The following ST18 variants were observed in gnomAD, a reference collection of about 807,000 sequenced individuals.
ST18 encodes the protein suppression of tumorigenicity 18 protein.
In ST18, 50 loss-of-function variants were observed where a neutral mutation model predicts 110.0. The ratio of observed to expected loss-of-function variants is 0.45; its 90% CI spans 0.36 to 0.58. The LOEUF (loss-of-function observed/expected upper bound fraction) is 0.58, where lower values mean the gene tolerates loss of function less well. ST18 is among the 20% of genes least tolerant of loss of function. The pLI, the probability that ST18 is intolerant of heterozygous loss-of-function variation, is 0.00. For missense variants in ST18, 1,306 were observed against 1,280.1 expected, an observed-to-expected ratio of 1.02 and a Z score of -0.31; for synonymous variants, 461 against 452.4, an observed-to-expected ratio of 1.02 and a Z score of -0.24.
chr8:52,354,098 C>T (rs931129934), intron 2 of ST18, among the ~76,000 whole-genome samples: 1 of 152,258 alleles, frequency 6.6e-6, no homozygotes, highest in Non-Finnish European at 1.5e-5. Flanking sequence ...CTGTCATATA[C>T]TTGGTTGTCC....
chr8:52,130,126 A>AGAAAGAAAGAAAGAAAGAAAGAAG, intron 22 of ST18, among the ~76,000 whole-genome samples: 1 of 135,948 alleles, frequency 7.4e-6, no homozygotes, highest in Admixed American at 7.1e-5. Context: ...AAGAAAAGAA[A>AGAAAGAAAGAAAGAAAGAAAGAAG]GAAAGAAAGA....
At chr8:52,250,874 G>A (rs1268296145) in intron 2 of ST18, among the ~76,000 whole-genome samples, 5 of 152,028 alleles carry the variant, frequency 3.3e-5, no homozygotes, top group Non-Finnish European at 2.9e-5. Flanking sequence ...AAGCTAAAGA[G>A]GAGGAAGAAA....
At position 52,113,068 on chromosome 8, in the gene ST18, A is replaced by G. The variant is rs1455660667; in HGVS notation, c.*130T>C. ...TTTTATATCAGCTGGGGAAAATAAA[A>G]TTAGTGCAATGTTGCAAATTGTAAA... is the stretch of plus-strand genomic sequence containing the variant. On this transcript the variant is annotated 3_prime_UTR_variant, in exon 26 of 26. Transcript: ENST00000689386. 37 of 1,039,888 alleles carry G rather than the reference A, an allele frequency of 3.6e-5. No homozygotes were observed. Among genetic ancestry groups the G allele is most frequent in the Non-Finnish European group, 4.7e-5 (36 of 773,512 alleles). 64.4% of individuals were successfully genotyped at this position (1,039,888 alleles called of 1,614,324 possible).
rs538807099 is a variant in ST18 at position 52,160,095 on chromosome 8, C to T, written c.1595-986G>A. On this transcript the variant is annotated intron_variant, in intron 14 of 25. Coordinates refer to ENST00000689386, the MANE Select transcript of ST18 (RefSeq NM_001352837.2). ...TTTTGCACTTTTAAAAATCAATGTC[C>T]GTACTATATGAGTACATTGAATGCT... 8.0e-4 allele frequency among the ~76,000 whole-genome samples: 121 copies of T among 152,038 alleles called. 1 individual carries two copies. Among genetic ancestry groups the T allele is most frequent in the Non-Finnish European group, 1.4e-3 (96 of 67,978 alleles).
At chr8:52,211,911 C>T (rs1489839293) in intron 8 of ST18, among the ~76,000 whole-genome samples, 168 bp downstream of exon 8, 3 of 152,126 alleles carry the variant, frequency 2.0e-5, no homozygotes, top group Non-Finnish European at 4.4e-5. Context: ...AGTATCAGTA[C>T]AATCATTCTC....
At chr8:52,379,528 A>G (rs531505515) in intron 2 of ST18, among the ~76,000 whole-genome samples, 4 of 152,280 alleles carry the variant, frequency 2.6e-5, no homozygotes, top group Admixed American at 2.6e-4. Flanking sequence ...TTTTTTCAAC[A>G]TATATATTAC....
chr8:52,117,133 G>T (rs1182505595), intron 24 of ST18, among the ~76,000 whole-genome samples: 1 of 152,148 alleles, frequency 6.6e-6, no homozygotes, highest in African/African-American at 2.4e-5. Flanking sequence ...TTGTCTCTGA[G>T]ACTGTTCTCC....
intron 2 of ST18, among the ~76,000 whole-genome samples, chr8:52,267,336 G>T (rs2094905386): frequency 6.6e-6 from 1 of 151,936 alleles, no homozygotes; most frequent in African/African-American, 2.4e-5. Flanking sequence ...GAGTACGCAG[G>T]AACCAGCAAC....
At chr8:52,395,682 T>G (rs1416691126) in intron 2 of ST18, among the ~76,000 whole-genome samples, 2 of 152,140 alleles carry the variant, frequency 1.3e-5, no homozygotes. Context: ...CAGAAAACGT[T>G]GAGGGTACTG....
In ST18 at chr8:52,126,076, T is replaced by C; in HGVS notation, c.2731A>G (p.Thr911Ala). 6.2e-7 allele frequency: 1 copy of C among 1,614,128 alleles called. No individual in the cohort carries two copies. Among genetic ancestry groups the C allele is most frequent in the South Asian group, 1.1e-5 (1 of 91,076 alleles). Residue 911 changes from threonine (T) to alanine (A), a missense_variant, in exon 23 of 26, where the codon ACC becomes GCC. By Grantham distance (58) the Thr-to-Ala change is moderately conservative (BLOSUM62 0). Transcript: ENST00000689386. ...KKGKVSEELM[T>A]IKLKATGGIE... Reference sequence around the variant, plus strand: ...CCCCCAGTTGCTTTGAGCTTGATGGTCATGAGTTCTTCAGAAACCTTGCCC... The same window carrying C: ...CCCCCAGTTGCTTTGAGCTTGATGGCCATGAGTTCTTCAGAAACCTTGCCC...
At position 52,113,004 on chromosome 8, in the gene ST18, G is replaced by T; in HGVS notation, c.*194C>A. ...ATAAGATCTAATAATTGACTGCATT[G>T]CTTTTAATCCAAGAAGTCTATCATA... is the stretch of plus-strand genomic sequence containing the variant. On this transcript the variant is annotated 3_prime_UTR_variant, in exon 26 of 26. Transcript: ENST00000689386. The T allele has an allele frequency of 4.3e-6, 2 of 466,048 alleles. No homozygotes were observed. The highest frequency in any genetic ancestry group is 7.1e-6 in the Non-Finnish European group (2 of 280,690). 28.9% of individuals were successfully genotyped at this position (466,048 alleles called of 1,614,324 possible).
At chr8:52,366,329 C>T (rs1169495211) in intron 2 of ST18, among the ~76,000 whole-genome samples, 1 of 152,144 alleles carries the variant, frequency 6.6e-6, no homozygotes, top group Non-Finnish European at 1.5e-5. Flanking sequence ...CGAGCAGAGG[C>T]AGCTTTCTAA....
At chr8:52,175,147 G>C (rs1213346962) in intron 9 of ST18, among the ~76,000 whole-genome samples, 1 of 152,122 alleles carries the variant, frequency 6.6e-6, no homozygotes, top group African/African-American at 2.4e-5. Context: ...TAGGCACATT[G>C]AGGACAATAG....
intron 14 of ST18, among the ~76,000 whole-genome samples, chr8:52,161,008 T>A (rs113120689): frequency 6.6e-6 from 1 of 152,212 alleles, no homozygotes; most frequent in Non-Finnish European, 1.5e-5. Context: ...ATAATTTCAA[T>A]ACAAATAAAT....
At chr8:52,169,296 T>C (rs1215704892) in intron 10 of ST18, among the ~76,000 whole-genome samples, 1 of 152,192 alleles carries the variant, frequency 6.6e-6, no homozygotes, top group African/African-American at 2.4e-5. Context: ...GGTGACCTTA[T>C]ACTCTGGTGA....
intron 2 of ST18, among the ~76,000 whole-genome samples, chr8:52,268,978 C>T (rs1340034458): frequency 6.6e-6 from 1 of 152,226 alleles, no homozygotes; most frequent in African/African-American, 2.4e-5. Flanking sequence ...ATCTTCACAG[C>T]ACACACAGCA....
intron 2 of ST18, among the ~76,000 whole-genome samples, chr8:52,358,378 T>C (rs1184415278): frequency 6.6e-6 from 1 of 151,484 alleles, no homozygotes. Flanking sequence ...AAATAGGGAG[T>C]AGAAGAACCA....
At chr8:52,367,979 G>A (rs1488403942) in intron 2 of ST18, among the ~76,000 whole-genome samples, 1 of 152,136 alleles carries the variant, frequency 6.6e-6, no homozygotes, top group Non-Finnish European at 1.5e-5. Context: ...TATTTCTGCA[G>A]GATTATAACA....
intron 2 of ST18, among the ~76,000 whole-genome samples, chr8:52,382,443 A>T (rs919003059): frequency 4.6e-5 from 7 of 152,264 alleles, no homozygotes; most frequent in Admixed American, 1.3e-4. Flanking sequence ...ATGTTCAGAC[A>T]TGAAGCATGA....
Sources: gnomAD v4.1 joint callset for allele counts (sites outside exome capture counted in the v4.1 genomes callset) on GRCh38, gnomAD v4.1.1 for gene constraint, MANE v1.5 for transcripts, NCBI Gene and HGNC (gene_info 2026-07-23, HGNC 2026-07-21) for gene names.